Variants in TEX48 observed in about 807,000 individuals in gnomAD.
TEX48 encodes the protein testis expressed 48.
Under a neutral mutation model 13.2 loss-of-function variants are expected in TEX48, and 10 were observed. The ratio of observed to expected loss-of-function variants is 0.75; its 90% CI spans 0.47 to 1.28. TEX48 has a LOEUF of 1.28. Among genes scored for constraint, TEX48 ranks in the 50% most tolerant of loss-of-function variants. The probability of loss-of-function intolerance (pLI) is 0.00; values close to 1 mark genes in which losing one functional copy is unlikely to be tolerated. For synonymous variants in TEX48, 45 were observed against 52.3 expected, an observed-to-expected ratio of 0.86 and a Z score of 0.60; for missense variants, 116 against 139.4, an observed-to-expected ratio of 0.83 and a Z score of 0.84.
intron 4 of TEX48, 115 bp downstream of exon 4, chr9:114,668,091 G>T: frequency 7.6e-7 from 1 of 1,323,362 alleles, no homozygotes; most frequent in Non-Finnish European, 1.0e-6. Context: ...CTTGATGGGA[G>T]CAATTCCATC....
intron 1 of TEX48, among the ~76,000 whole-genome samples, chr9:114,680,926 C>T (rs1457962880): frequency 6.6e-6 from 1 of 152,212 alleles, no homozygotes; most frequent in Non-Finnish European, 1.5e-5. Flanking sequence ...ACGAACTCAA[C>T]ACCTCCCAAA....
At chr9:114,681,386 AG>A (rs1187889478) in intron 1 of TEX48, among the ~76,000 whole-genome samples, 1 of 152,196 alleles carries the variant, frequency 6.6e-6, no homozygotes, top group Non-Finnish European at 1.5e-5. Context: ...TAGGGAGAGC[AG>A]TGTATCAGTT....
chr9:114,668,253 AG>A lies in TEX48; in HGVS notation c.211del (p.Leu71Ter). Reference protein sequence around the residue: ...AVSHLPSRTPLIQTKKSTSSS... With the variant: ...AVSHLPSRTPXIQTKKSTSSS... ...GGAAGTGCTCTTTTTTGTCTGGATCAGGGGTGTTCTCGAAGGCAAATGGGAG... is the reference window on the plus strand; with the variant it reads ...GGAAGTGCTCTTTTTTGTCTGGATCAGGGTGTTCTCGAAGGCAAATGGGAG... On this transcript the variant is annotated frameshift_variant, in exon 4 of 5. Coordinates refer to ENST00000436752, the MANE Select transcript of TEX48 (RefSeq NM_001199233.2). LOFTEE classifies it low-confidence loss of function (END_TRUNC). 6.5e-7 allele frequency: 1 copy of A among 1,535,646 alleles called. No homozygotes were observed. Among genetic ancestry groups the A allele is most frequent in the Middle Eastern group, 1.7e-4 (1 of 5,988 alleles).
chr9:114,680,768 C>T (rs56039628), intron 1 of TEX48, among the ~76,000 whole-genome samples: 20 of 152,158 alleles, frequency 1.3e-4, no homozygotes, highest in Non-Finnish European at 2.6e-4. Flanking sequence ...ACGGTAACAA[C>T]GAATCCCCAG....
Position 114,668,279 on chromosome 9 carries a change from G to C in TEX48, c.186C>G (p.Val62=), listed in dbSNP as rs1827879818. The stretch of plus-strand genomic sequence containing the variant: ...GGGGTGTTCTCGAAGGCAAATGGGA[G>C]ACTGCGTTAATGCGCTTGGGATTTT... ...DRQNPKRINA[V]SHLPSRTPLI... The change falls in exon 4 of 5, where the codon GTC becomes GTG. Residue 62 remains valine (V), a synonymous_variant. Transcript: ENST00000436752. 2.6e-6 allele frequency: 4 copies of C among 1,535,658 alleles called. No homozygotes were observed. The East Asian group carries it at 7.3e-5, about 28-fold the overall frequency.
At chr9:114,671,362 G>A in intron 3 of TEX48, 21 bp downstream of exon 3, 1 of 1,534,596 alleles carries the variant, frequency 6.5e-7, no homozygotes, top group Non-Finnish European at 8.7e-7. Flanking sequence ...GCCATGCAGA[G>A]TGTCCTTATC....
intron 1 of TEX48, among the ~76,000 whole-genome samples, chr9:114,681,252 C>T (rs1420943429): frequency 6.6e-6 from 1 of 152,180 alleles, no homozygotes; most frequent in Non-Finnish European, 1.5e-5. Context: ...CGTGCTGATG[C>T]TCTCTCCACA....
chr9:114,676,052 T>G (rs1035226445), intron 1 of TEX48, among the ~76,000 whole-genome samples: 7 of 152,270 alleles, frequency 4.6e-5, no homozygotes, highest in African/African-American at 1.7e-4. Flanking sequence ...GTACAGTGAC[T>G]GCCTAACTCA....
At chr9:114,678,295 G>C (rs962297462) in intron 1 of TEX48, among the ~76,000 whole-genome samples, 1 of 152,038 alleles carries the variant, frequency 6.6e-6, no homozygotes, top group African/African-American at 2.4e-5. Flanking sequence ...TCCCCTGGCT[G>C]CCCAAATAAA....
intron 1 of TEX48, among the ~76,000 whole-genome samples, 161 bp downstream of exon 1, chr9:114,681,874 C>T (rs918538587): frequency 6.6e-6 from 1 of 151,590 alleles, no homozygotes; most frequent in Non-Finnish European, 1.5e-5. Context: ...GACTGGGACC[C>T]AGAGAGAGAG....
chr9:114,680,253 G>A (rs920746430), intron 1 of TEX48, among the ~76,000 whole-genome samples: 19 of 150,118 alleles, frequency 1.3e-4, no homozygotes, highest in Admixed American at 1.1e-3. Context: ...TCAGCCTCCC[G>A]AGTAGCTGGG....
At chr9:114,677,143 G>A (rs1022153908) in intron 1 of TEX48, among the ~76,000 whole-genome samples, 3 of 152,148 alleles carry the variant, frequency 2.0e-5, no homozygotes, top group Admixed American at 1.3e-4. Flanking sequence ...TGTCACCATT[G>A]TGTGGATTTT....
chr9:114,676,646 G>A (rs1198145945), intron 1 of TEX48, among the ~76,000 whole-genome samples: 6 of 146,806 alleles, frequency 4.1e-5, no homozygotes, highest in South Asian at 2.1e-4. Flanking sequence ...AGATGGAGTC[G>A]CGCTCTGTTG....
intron 1 of TEX48, among the ~76,000 whole-genome samples, chr9:114,676,818 G>A (rs1828081467): frequency 1.3e-5 from 2 of 152,032 alleles, no homozygotes; most frequent in African/African-American, 2.4e-5. Context: ...GGGTTTCACT[G>A]TGTTAGCCAG....
chr9:114,675,158 G>A (rs1255210874), intron 1 of TEX48, among the ~76,000 whole-genome samples: 1 of 152,146 alleles, frequency 6.6e-6, no homozygotes, highest in Non-Finnish European at 1.5e-5. Flanking sequence ...AAAATTGAGG[G>A]TGTTTGTAGA....
At chr9:114,680,871 G>A (rs943840961) in intron 1 of TEX48, among the ~76,000 whole-genome samples, 4 of 152,122 alleles carry the variant, frequency 2.6e-5, no homozygotes, top group African/African-American at 9.7e-5. Flanking sequence ...ATAGCTAAAG[G>A]TCTACCATTC....
intron 1 of TEX48, among the ~76,000 whole-genome samples, chr9:114,676,551 G>A (rs1421745262): frequency 1.3e-5 from 2 of 151,764 alleles, no homozygotes; most frequent in Admixed American, 1.3e-4. Context: ...GTTAGGTGCT[G>A]GAGATATAGC....
At chr9:114,667,539 T>C (rs1827863792) in intron 4 of TEX48, among the ~76,000 whole-genome samples, 1 of 152,218 alleles carries the variant, frequency 6.6e-6, no homozygotes, top group Non-Finnish European at 1.5e-5. Context: ...TGTGGGCCCC[T>C]GCCCTCCTGG....
intron 3 of TEX48, 140 bp downstream of exon 3, chr9:114,671,243 A>C (rs1001813013): frequency 9.0e-5 from 92 of 1,022,420 alleles, no homozygotes; most frequent in Non-Finnish European, 1.1e-4. Flanking sequence ...GTACTTAGCC[A>C]TCCAACACCC....
Sources: gnomAD v4.1 joint callset for allele counts (sites outside exome capture counted in the v4.1 genomes callset) on GRCh38, gnomAD v4.1.1 for gene constraint, MANE v1.5 for transcripts, NCBI Gene and HGNC (gene_info 2026-07-23, HGNC 2026-07-21) for gene names.